SHANK1: variants seen among roughly 807,000 people sequenced by gnomAD.
The protein encoded by SHANK1 is SH3 and multiple ankyrin repeat domains protein 1.
A neutral mutation model predicts 165.6 loss-of-function variants in SHANK1; 35 were observed. The observed-to-expected ratio is 0.21, with a 90% CI of 0.16 to 0.28. SHANK1 has a LOEUF of 0.28. Ranked by LOEUF, SHANK1 falls within the 10% of genes least tolerant of loss-of-function variation. The pLI, the probability that SHANK1 is intolerant of heterozygous loss-of-function variation, is 1.00. For synonymous variants in SHANK1, 1,428 were observed against 1,384.8 expected (o/e 1.03, Z -0.69); for missense variants, 2,681 against 3,036.4 (o/e 0.88, Z 2.75).
At chr19:50,704,225 C>T (rs1212033708) in intron 9 of SHANK1, 39 bp from the exon 10 acceptor site, 34 of 1,600,382 alleles carry the variant, frequency 2.1e-5, no homozygotes, top group Non-Finnish European at 2.7e-5. Flanking sequence ...CCAGGGGGGC[C>T]CAGGCAGCAG....
chr19:50,714,019 C>A, intron 5 of SHANK1, 70 bp from the exon 6 acceptor site: 1 of 1,583,000 alleles, frequency 6.3e-7, no homozygotes. Flanking sequence ...ATTTTCCAGG[C>A]TCTGCAGCTC....
chr19:50,665,063 T>C (rs1243471217), intron 23 of SHANK1, among the ~76,000 whole-genome samples: 1 of 152,234 alleles, frequency 6.6e-6, no homozygotes, highest in African/African-American at 2.4e-5. Context: ...AGCCTGTTAA[T>C]AACTTTTTGT....
At chr19:50,677,508 G>A (rs1986019522) in intron 21 of SHANK1, among the ~76,000 whole-genome samples, 1 of 152,154 alleles carries the variant, frequency 6.6e-6, no homozygotes, top group Admixed American at 6.5e-5. Context: ...TCCCTCAGGT[G>A]CAGCAGAACC....
chr19:50,677,028 T>A (rs1323112225), intron 21 of SHANK1, among the ~76,000 whole-genome samples: 2 of 152,096 alleles, frequency 1.3e-5, no homozygotes, highest in African/African-American at 4.8e-5. Flanking sequence ...CAGTCTGCAG[T>A]TGGAAACATG....
rs1985574449 is a variant in SHANK1 at position 50,667,382 on chromosome 19, G to A, written c.4578C>T (p.Ser1526=). ...PGVPPPSPRR[S]VPPSPTSPRA... ...TCGGGGAGGTCGGGGAGGGGGGCAC[G>A]GACCGGCGTGGGCTGGGCGGCGGGA... is the stretch of plus-strand genomic sequence containing the variant. The change falls in exon 23 of 24, where the codon TCC becomes TCT. Residue 1526 remains serine (S), a synonymous_variant. Transcript: ENST00000293441. This position sits in a 1 kb window ranked among gnomAD's most constrained non-coding sequence, Gnocchi z 5.7. The A allele has an allele frequency of 2.6e-6, 4 of 1,529,100 alleles. No individual in the cohort carries two copies. The highest frequency in any genetic ancestry group is 3.5e-6 in the Non-Finnish European group (4 of 1,142,184). 94.7% of individuals were successfully genotyped at this position (1,529,100 alleles called of 1,614,324 possible).
chr19:50,660,631 A>G lies in SHANK1; in HGVS notation c.*1334T>C, dbSNP rs1025592293. On this transcript the variant is annotated 3_prime_UTR_variant, in exon 24 of 24. Coordinates refer to ENST00000293441, the MANE Select transcript of SHANK1 (RefSeq NM_016148.5). ...AGTGGTAGAGCTCTCATCCAGGTAG[A>G]AAAGACAAGATGCGGTGTGCAGCCA... Among the ~76,000 whole-genome samples, 2 of 150,860 alleles carry G rather than the reference A, an allele frequency of 1.3e-5. No individual in the cohort carries two copies.
chr19:50,700,017 C>T (rs1293606691), intron 12 of SHANK1, among the ~76,000 whole-genome samples: 3 of 61,030 alleles, frequency 4.9e-5, no homozygotes, highest in Non-Finnish European at 9.4e-5. Flanking sequence ...TTGGAAGGCT[C>T]GGGGCATTGG....
intron 21 of SHANK1, among the ~76,000 whole-genome samples, chr19:50,675,847 CA>C (rs1568431185): frequency 6.6e-6 from 1 of 151,954 alleles, no homozygotes; most frequent in African/African-American, 2.4e-5. Context: ...ACTAAAAATA[CA>C]AAAAAATTAG....
Position 50,689,256 on chromosome 19 carries a change from G to A in SHANK1, c.1988C>T (p.Thr663Ile). Residue 663 changes from threonine (T) to isoleucine (I), a missense_variant, in exon 16 of 24, where the codon ACA (threonine) becomes ATA (isoleucine). Thr to Ile is a moderately conservative substitution (Grantham distance 89). Transcript: ENST00000293441. ...ACTGTCCTTCTTCTGCAGCAAGACT[G>A]TCTTCTCCTTAATGATGTAATCGCT... ...PGSDYIIKEK[T>I]VLLQKKDSEG... The A allele has an allele frequency of 6.2e-7, 1 of 1,610,078 alleles. No individual in the cohort carries two copies. The highest frequency in any genetic ancestry group is 8.5e-7 in the Non-Finnish European group (1 of 1,177,918).
At position 50,687,669 on chromosome 19, in the gene SHANK1, A is replaced by C; in HGVS notation, c.2309-7T>G. 6.8e-7 allele frequency: 1 copy of C among 1,479,820 alleles called. No individual in the cohort carries two copies. Among genetic ancestry groups the C allele is most frequent in the Non-Finnish European group, 9.0e-7 (1 of 1,114,492 alleles). 91.7% of individuals were successfully genotyped at this position (1,479,820 alleles called of 1,614,324 possible). A position where few individuals can be genotyped will look rare whatever the true frequency, so the allele number is the denominator to read the frequency against. On this transcript the variant is annotated splice_region_variant and splice_polypyrimidine_tract_variant and intron_variant, in intron 18 of 23. Coordinates refer to ENST00000293441, the MANE Select transcript of SHANK1 (RefSeq NM_016148.5). ...CGCTTGGCCTGCTGGGGTGCTGAAA[A>C]GGTGATGAGGGGAGGCATCAGTATC...
At position 50,660,256 on chromosome 19, in the gene SHANK1, T is replaced by C. The variant is rs1985150358; in HGVS notation, c.*1709A>G. Among the ~76,000 whole-genome samples, 1 of 130,764 alleles carries C rather than the reference T, an allele frequency of 7.6e-6. No homozygotes were observed. Among genetic ancestry groups the C allele is most frequent in the African/African-American group, 2.6e-5 (1 of 39,116 alleles). 85.8% of individuals were successfully genotyped at this position (130,764 alleles called of 152,430 possible). A position where few individuals can be genotyped will look rare whatever the true frequency, so the allele number is the denominator to read the frequency against. On this transcript the variant is annotated 3_prime_UTR_variant, in exon 24 of 24. Transcript: ENST00000293441. ...GGAAGCGTGCGGGAAGGAACAGCCA[T>C]GCTGGAGGGAGAGGGAGCTTCTTGG...
rs368372946 is a variant in SHANK1 at position 50,716,816 on chromosome 19, C to T, written c.104G>A (p.Arg35Gln). The T allele has an allele frequency of 2.4e-5, 38 of 1,578,186 alleles. No homozygotes were observed. Among genetic ancestry groups the T allele is most frequent in the South Asian group, 4.6e-5 (4 of 86,634 alleles). ...ESDSSPDGPG[R>Q]GPRGTRGQGS... Reference sequence around the variant, plus strand: ...CTGGCCCCGGGTCCCCCGGGGGCCTCGACCTGGCCCGTCTGGGGAGCTGTC... The same window carrying T: ...CTGGCCCCGGGTCCCCCGGGGGCCTTGACCTGGCCCGTCTGGGGAGCTGTC... Residue 35 changes from arginine (R) to glutamine (Q), a missense_variant, in exon 2 of 24, where the codon CGA becomes CAA. Arg to Gln is a conservative substitution (Grantham distance 43, BLOSUM62 1). Coordinates refer to ENST00000293441, the MANE Select transcript of SHANK1 (RefSeq NM_016148.5). The surrounding 1 kb of genome is among the most constrained non-coding windows in gnomAD (Gnocchi z 8.4).
At chr19:50,679,783 GAC>G (rs2123113240) in intron 21 of SHANK1, among the ~76,000 whole-genome samples, 1 of 152,218 alleles carries the variant, frequency 6.6e-6, no homozygotes, top group Admixed American at 6.5e-5. Context: ...GATAGACAGA[GAC>G]AGAGAGAGGG....
intron 15 of SHANK1, among the ~76,000 whole-genome samples, chr19:50,694,392 AC>A (rs1354839031): frequency 6.7e-6 from 1 of 149,678 alleles, no homozygotes; most frequent in Non-Finnish European, 1.5e-5. Flanking sequence ...ACTTGCCAAC[AC>A]CGTGAAGAGG....
At position 50,667,680 on chromosome 19, in the gene SHANK1, C is replaced by A. The variant is rs755266380; in HGVS notation, c.4280G>T (p.Gly1427Val). The A allele has an allele frequency of 1.4e-5, 19 of 1,375,276 alleles. No homozygotes were observed. The South Asian group carries it at 2.2e-4, about 16-fold the overall frequency. 85.2% of individuals were successfully genotyped at this position (1,375,276 alleles called of 1,614,324 possible). ...GGCGGGAAGGGACTTCTCCTGGCTG[C>A]CCAGCCCGGCCCTGTACCCCAGCTC... ...RRELGYRAGL[G>V]SQEKSLPASP... The change falls in exon 23 of 24, where the codon GGC becomes GTC. Residue 1427 changes from glycine (G) to valine (V), a missense_variant. Coordinates refer to ENST00000293441, the MANE Select transcript of SHANK1 (RefSeq NM_016148.5). The surrounding 1 kb of genome is among the most constrained non-coding windows in gnomAD (Gnocchi z 5.7).
intron 15 of SHANK1, among the ~76,000 whole-genome samples, chr19:50,692,823 A>T (rs1599858620): frequency 2.8e-5 from 2 of 71,528 alleles, no homozygotes; most frequent in African/African-American, 5.8e-5. Flanking sequence ...CTCATCCCTG[A>T]CTCCCACAAG....
Position 50,669,167 on chromosome 19 carries a change from A to C in SHANK1, c.2793T>G (p.Pro931=). 1 of 1,580,922 alleles carries C rather than the reference A, an allele frequency of 6.3e-7. No homozygotes were observed. The highest frequency in any genetic ancestry group is 8.6e-7 in the Non-Finnish European group (1 of 1,166,334). Residue 931 remains proline, a synonymous_variant, in exon 23 of 24, where the codon CCT becomes CCG. Coordinates refer to ENST00000293441, the MANE Select transcript of SHANK1 (RefSeq NM_016148.5). ...AGGGGACTGGAGGTGTGCTGTAGGG[A>C]GGCTCCGGTGGGGACGTGGTGGGTG... ...PPPPTTSPPE[P]PYSTPPVPSS... is the part of the protein sequence containing the mutation.
rs1214279645 is a variant in SHANK1 at position 50,704,364 on chromosome 19, C to A, written c.1155+73G>T. The A allele has an allele frequency of 4.8e-6, 7 of 1,444,692 alleles. No homozygotes were observed. In the African/African-American group the frequency reaches 9.8e-5, roughly 20 times the overall value. 89.5% of individuals were successfully genotyped at this position (1,444,692 alleles called of 1,614,324 possible). On this transcript the variant is annotated intron_variant, in intron 9 of 23. Transcript: ENST00000293441. ...CCTTGCTTTCCTCATTGTCCCCTTC[C>A]TTATCCACTGGGTGTCACTGTCACC...
Position 50,703,749 on chromosome 19 carries a change from A to G in SHANK1, c.1304T>C (p.Leu435Pro). 1 of 1,436,406 alleles carries G rather than the reference A, an allele frequency of 7.0e-7. No homozygotes were observed. Among genetic ancestry groups the G allele is most frequent in the Non-Finnish European group, 9.1e-7 (1 of 1,099,094 alleles). 89.0% of individuals were successfully genotyped at this position (1,436,406 alleles called of 1,614,324 possible). ...CATGCTGGTGTCACTGTTGGCCCGC[A>G]GCAGCGCCGGGGGCACCGTCAGCCC... ...GTGLTVPPALLRANSDTSMAL... is the reference protein window; with the variant it reads ...GTGLTVPPALPRANSDTSMAL... Residue 435 changes from leucine (L) to proline (P), a missense_variant, in exon 11 of 24, where the codon CTG becomes CCG. Physicochemically the swap from Leu to Pro is moderately conservative, Grantham distance 98. Coordinates refer to ENST00000293441, the MANE Select transcript of SHANK1 (RefSeq NM_016148.5).
Sources: allele counts gnomAD v4.1 joint callset (sites outside exome capture counted in the v4.1 genomes callset), GRCh38; gene constraint gnomAD v4.1.1; non-coding constraint Gnocchi (gnomAD v3.1); transcripts MANE v1.5; gene names NCBI Gene and HGNC (gene_info 2026-07-23, HGNC 2026-07-21).